ADGRL3: variants seen among roughly 807,000 people sequenced by gnomAD.
ADGRL3 encodes adhesion G protein-coupled receptor L3, also known as calcium-independent alpha-latrotoxin receptor 3.
In ADGRL3, 62 loss-of-function variants were observed where a neutral mutation model predicts 153.5. The observed-to-expected ratio is 0.40, with a 90% CI of 0.33 to 0.50. The LOEUF (loss-of-function observed/expected upper bound fraction) is 0.50, where lower values mean the gene tolerates loss of function less well. Among genes scored for constraint, ADGRL3 ranks in the 20% least tolerant of loss-of-function variants. The probability of loss-of-function intolerance (pLI) is 0.47; values close to 1 mark genes in which losing one functional copy is unlikely to be tolerated. For missense variants in ADGRL3, 1,641 were observed against 1,859.4 expected, an observed-to-expected ratio of 0.88 and a Z score of 2.16; for synonymous variants, 710 against 672.5, an observed-to-expected ratio of 1.06 and a Z score of -0.86.
Position 62,071,013 on chromosome 4 carries a change from C to A in ADGRL3, c.*105C>A. ...ATGTGTGTACTCCTAAATCTTTATG[C>A]TGTCCTCTAAAGACAAACACAAACT... On this transcript the variant is annotated 3_prime_UTR_variant, in exon 27 of 27. Transcript: ENST00000683033. 2.0e-6 allele frequency: 2 copies of A among 984,806 alleles called. No individual in the cohort carries two copies. The highest frequency in any genetic ancestry group is 1.8e-5 in the South Asian group (1 of 54,824). 61.0% of individuals were successfully genotyped at this position (984,806 alleles called of 1,614,324 possible).
chr4:62,057,834 C>T (rs975755971), intron 25 of ADGRL3, among the ~76,000 whole-genome samples: 6 of 152,000 alleles, frequency 3.9e-5, no homozygotes, highest in Admixed American at 6.6e-5. Flanking sequence ...CACTCCGCCA[C>T]GCCTGGCCAA....
chr4:61,874,562 G>GA lies in ADGRL3; in HGVS notation c.1481-18090dup, dbSNP rs565456562. Among the ~76,000 whole-genome samples, 107 of 150,946 alleles carry GA rather than the reference G, an allele frequency of 7.1e-4. No individual in the cohort carries two copies. The Middle Eastern group carries it at 0.01, about 15-fold the overall frequency. On this transcript the variant is annotated intron_variant, in intron 9 of 26. Transcript: ENST00000683033. The stretch of plus-strand genomic sequence containing the variant: ...GCCACTCTAGAGCCTGTCTGCCCTA[G>GA]AAAAGTCATCTTTCTTCTCGTTTGT...
At chr4:61,222,360 ATAAT>A (rs1408262578) in intron 1 of ADGRL3, among the ~76,000 whole-genome samples, 1 of 152,158 alleles carries the variant, frequency 6.6e-6, no homozygotes, top group South Asian at 2.1e-4. Flanking sequence ...CTGTTGATAT[ATAAT>A]ATAGAGTGAT....
At chr4:61,258,208 AC>A (rs1211125385) in intron 1 of ADGRL3, among the ~76,000 whole-genome samples, 1 of 152,152 alleles carries the variant, frequency 6.6e-6, no homozygotes, top group Admixed American at 6.5e-5. Flanking sequence ...CCTCTTTCTT[AC>A]AACAGCAAAG....
At chr4:61,240,581 A>C (rs1462739849) in intron 1 of ADGRL3, among the ~76,000 whole-genome samples, 2 of 152,154 alleles carry the variant, frequency 1.3e-5, no homozygotes, top group Admixed American at 1.3e-4. Flanking sequence ...TTTAATGCTG[A>C]AATAAAATTT....
intron 2 of ADGRL3, among the ~76,000 whole-genome samples, chr4:61,444,556 T>C (rs1157474716): frequency 6.6e-6 from 1 of 152,104 alleles, no homozygotes; most frequent in Non-Finnish European, 1.5e-5. Flanking sequence ...TCCTTTATCA[T>C]CCACTTAAAA....
chr4:62,011,503 T>A (rs2099186483), intron 21 of ADGRL3, among the ~76,000 whole-genome samples: 1 of 152,062 alleles, frequency 6.6e-6, no homozygotes, highest in Non-Finnish European at 1.5e-5. Context: ...CTGGGGTAAG[T>A]GTCTTATGAT....
intron 6 of ADGRL3, among the ~76,000 whole-genome samples, chr4:61,708,340 C>T (rs1285557865): frequency 6.6e-5 from 10 of 151,858 alleles, no homozygotes; most frequent in Admixed American, 1.3e-4. Context: ...TTAGTTGCTA[C>T]GTTTTTTGGT....
intron 1 of ADGRL3, among the ~76,000 whole-genome samples, chr4:61,370,650 G>A (rs868239994): frequency 6.6e-6 from 1 of 151,864 alleles, no homozygotes; most frequent in East Asian, 1.9e-4. Flanking sequence ...TTACTTCCAA[G>A]TATGTGGTCA....
chr4:61,874,644 A>G (rs1320712932), intron 9 of ADGRL3, among the ~76,000 whole-genome samples: 1 of 151,572 alleles, frequency 6.6e-6, no homozygotes, highest in African/African-American at 2.4e-5. Context: ...TAAAGTTAAT[A>G]GTCTAAATGT....
At chr4:61,803,195 AT>A in intron 8 of ADGRL3, among the ~76,000 whole-genome samples, 1 of 151,994 alleles carries the variant, frequency 6.6e-6, no homozygotes, top group East Asian at 1.9e-4. Flanking sequence ...ATTGAGCTTG[AT>A]TTTTCATACA....
chr4:61,373,231 C>T (rs1023203882), intron 1 of ADGRL3, among the ~76,000 whole-genome samples: 2 of 152,168 alleles, frequency 1.3e-5, no homozygotes, highest in Non-Finnish European at 2.9e-5. Flanking sequence ...TGTTCCTATT[C>T]GGCCATCTTG....
intron 9 of ADGRL3, among the ~76,000 whole-genome samples, chr4:61,843,377 T>C (rs2098063070): frequency 1.3e-5 from 2 of 152,168 alleles, no homozygotes; most frequent in South Asian, 2.1e-4. Context: ...CAACTTTTTC[T>C]AGCAGCTAGG....
chr4:61,812,597 C>A (rs948900301), intron 8 of ADGRL3, among the ~76,000 whole-genome samples: 13 of 152,210 alleles, frequency 8.5e-5, no homozygotes, highest in African/African-American at 3.1e-4. Flanking sequence ...CACTCCCACT[C>A]AAACCTTCTG....
At chr4:61,799,506 G>A (rs751094551) in intron 8 of ADGRL3, among the ~76,000 whole-genome samples, 7 of 151,878 alleles carry the variant, frequency 4.6e-5, no homozygotes, top group Non-Finnish European at 7.4e-5. Context: ...ACATACTCAG[G>A]CCATGGCCAG....
intron 9 of ADGRL3, among the ~76,000 whole-genome samples, chr4:61,871,140 T>C (rs1456950445): frequency 6.6e-6 from 1 of 151,862 alleles, no homozygotes; most frequent in Non-Finnish European, 1.5e-5. Context: ...TAGCCAGGTG[T>C]GGTGGCGAGT....
chr4:61,290,935 AG>A (rs1480146022), intron 1 of ADGRL3, among the ~76,000 whole-genome samples: 1 of 151,982 alleles, frequency 6.6e-6, no homozygotes, highest in Non-Finnish European at 1.5e-5. Flanking sequence ...AAAATGAAGG[AG>A]CTATTAAAAA....
At chr4:61,746,570 A>T (rs998991943) in intron 8 of ADGRL3, among the ~76,000 whole-genome samples, 2 of 152,140 alleles carry the variant, frequency 1.3e-5, no homozygotes, top group African/African-American at 4.8e-5. Flanking sequence ...AAACCACTCA[A>T]CTACATGGAA....
chr4:61,455,877 T>G (rs547895550), intron 2 of ADGRL3, among the ~76,000 whole-genome samples: 224 of 152,166 alleles, frequency 1.5e-3, no homozygotes, highest in Non-Finnish European at 2.7e-3. Context: ...ATGTAGTAGT[T>G]TGATCTCGGC....
Sources: allele counts gnomAD v4.1 joint callset (sites outside exome capture counted in the v4.1 genomes callset), GRCh38; gene constraint gnomAD v4.1.1; transcripts MANE v1.5; gene names NCBI Gene and HGNC (gene_info 2026-07-23, HGNC 2026-07-21).